APLP2: variants seen among roughly 807,000 people sequenced by gnomAD.
APLP2 encodes the protein CDEI box-binding protein.
In APLP2, 53 loss-of-function variants were observed where a neutral mutation model predicts 89.9. The ratio of observed to expected loss-of-function variants is 0.59; its 90% CI spans 0.47 to 0.74. The LOEUF (loss-of-function observed/expected upper bound fraction) is 0.74. Among genes scored for constraint, APLP2 ranks in the 30% least tolerant of loss-of-function variants. The probability of loss-of-function intolerance (pLI) is 0.00; values close to 1 mark genes in which losing one functional copy is unlikely to be tolerated. For missense variants in APLP2, 973 were observed against 975.9 expected (o/e 1.00, Z 0.04); for synonymous variants, 372 against 348.6 (o/e 1.07, Z -0.75).
chr11:130,112,571 CAG>C (rs1277810380), intron 3 of APLP2, among the ~76,000 whole-genome samples: 2 of 151,752 alleles, frequency 1.3e-5, no homozygotes, highest in African/African-American at 2.4e-5. Context: ...CTAAGACACT[CAG>C]GGTGCTGTGA....
intron 3 of APLP2, among the ~76,000 whole-genome samples, chr11:130,119,607 G>T (rs1035573059): frequency 1.3e-4 from 20 of 152,154 alleles, no homozygotes; most frequent in African/African-American, 4.6e-4. Context: ...ACAGCTATGT[G>T]TATCTTTCTC....
At position 130,126,747 on chromosome 11, in the gene APLP2, A is replaced by C. The variant is rs775513233; in HGVS notation, c.1138A>C (p.Thr380Pro). The change falls in exon 8 of 17, where the codon ACC (threonine) becomes CCC (proline). Residue 380 changes from threonine to proline, a missense_variant. Thr to Pro is a conservative substitution (Grantham distance 38). Transcript: ENST00000338167. ...PTNDVDVYFETSADDNEHARF... is the reference protein window; with the variant it reads ...PTNDVDVYFEPSADDNEHARF... ...CAATGATGTTGATGTGTATTTCGAG[A>C]CCTCTGCAGATGATAATGAGCATGC... is the stretch of plus-strand genomic sequence containing the variant. 9.9e-6 allele frequency: 16 copies of C among 1,613,972 alleles called. No homozygotes were observed. Among genetic ancestry groups the C allele is most frequent in the South Asian group, 3.3e-5 (3 of 91,086 alleles).
rs17849844 is a variant in APLP2 at position 130,133,672 on chromosome 11, G to A, written c.1628G>A (p.Ser543Asn). The A allele has an allele frequency of 6.2e-7, 1 of 1,614,064 alleles. No homozygotes were observed. Among genetic ancestry groups the A allele is most frequent in the South Asian group, 1.1e-5 (1 of 91,090 alleles). Reference sequence around the variant, plus strand: ...GTGATTGAAGAAAGGAGGAACCAAAGCCTCTCTCTGCTCTACAAAGTACCT... The same window carrying A: ...GTGATTGAAGAAAGGAGGAACCAAAACCTCTCTCTGCTCTACAAAGTACCT... ...LHVIEERRNQ[S>N]LSLLYKVPYV... The change falls in exon 12 of 17, where the codon AGC becomes AAC. Residue 543 changes from serine to asparagine, a missense_variant. Coordinates refer to ENST00000338167, the MANE Select transcript of APLP2 (RefSeq NM_001142276.2).
At chr11:130,118,727 G>A (rs1201089753) in intron 3 of APLP2, among the ~76,000 whole-genome samples, 1 of 152,186 alleles carries the variant, frequency 6.6e-6, no homozygotes, top group East Asian at 1.9e-4. Flanking sequence ...TTTAAGCAAT[G>A]CTTTTAAGTC....
intron 1 of APLP2, among the ~76,000 whole-genome samples, chr11:130,096,643 G>A (rs971646795): frequency 2.0e-5 from 3 of 152,162 alleles, no homozygotes; most frequent in African/African-American, 4.8e-5. Flanking sequence ...ACTTGAGCCT[G>A]GAAGTTCAAG....
chr11:130,079,078 A>G (rs1942657937), intron 1 of APLP2, among the ~76,000 whole-genome samples: 2 of 142,788 alleles, frequency 1.4e-5, no homozygotes. Context: ...CATGACATGT[A>G]TTTTTTTTAT....
At chr11:130,084,878 G>A (rs1943863889) in intron 1 of APLP2, among the ~76,000 whole-genome samples, 1 of 151,992 alleles carries the variant, frequency 6.6e-6, no homozygotes, top group African/African-American at 2.4e-5. Flanking sequence ...AGAAAGAGTT[G>A]GGTTTTTGAA....
chr11:130,087,869 T>C (rs1944365419), intron 1 of APLP2, among the ~76,000 whole-genome samples: 1 of 152,348 alleles, frequency 6.6e-6, no homozygotes, highest in Admixed American at 6.5e-5. Flanking sequence ...TTTTGCAAGA[T>C]TAATCTTGTG....
Position 130,136,625 on chromosome 11 carries a change from C to T in APLP2, c.1837+910C>T, listed in dbSNP as rs1334032382. Among the ~76,000 whole-genome samples, 4 of 152,298 alleles carry T rather than the reference C, an allele frequency of 2.6e-5. No homozygotes were observed. The East Asian group carries it at 7.7e-4, about 29-fold the overall frequency. ...AATTAGGGGTGGGGGGATGGAGGTA[C>T]ATCCAGCTTAGCCTTCAGACCTTAA... On this transcript the variant is annotated intron_variant, in intron 13 of 16. Transcript: ENST00000338167.
At chr11:130,136,010 TG>T (rs1951542092) in intron 13 of APLP2, among the ~76,000 whole-genome samples, 1 of 152,170 alleles carries the variant, frequency 6.6e-6, no homozygotes, top group Admixed American at 6.5e-5. Context: ...GGGAGGCACT[TG>T]GCAGTTGAAA....
chr11:130,103,449 T>A (rs117686820), intron 1 of APLP2, among the ~76,000 whole-genome samples: 2,597 of 152,308 alleles, frequency 0.017, 44 homozygotes, highest in Non-Finnish European at 0.024. Flanking sequence ...GGTGCTTAGC[T>A]GCCTCTTCCT....
At chr11:130,132,993 T>G (rs1951101030) in intron 11 of APLP2, among the ~76,000 whole-genome samples, 1 of 151,722 alleles carries the variant, frequency 6.6e-6, no homozygotes. Context: ...TTTTTTTTTT[T>G]GGCTCAATAT....
intron 1 of APLP2, among the ~76,000 whole-genome samples, chr11:130,076,727 A>G (rs999868156): frequency 6.6e-6 from 1 of 152,204 alleles, no homozygotes; most frequent in Non-Finnish European, 1.5e-5. Flanking sequence ...TCCAGGGGAC[A>G]TGCTCTGATA....
rs1284915845 is a variant in APLP2 at position 130,143,438 on chromosome 11, T to G, written c.2246T>G (p.Met749Arg). ...ENPTYKYLEQ[M>R]QI is the part of the protein sequence containing the mutation. ...CCCACCTACAAATACCTGGAGCAGA[T>G]GCAGATTTAGGTGGCAGGGAGCGCG... The change falls in exon 17 of 17, where the codon ATG (methionine) becomes AGG (arginine). Residue 749 changes from methionine (M) to arginine (R), a missense_variant. Met to Arg is a moderately conservative substitution (Grantham distance 91). Coordinates refer to ENST00000338167, the MANE Select transcript of APLP2 (RefSeq NM_001142276.2). 1 of 1,613,780 alleles carries G rather than the reference T, an allele frequency of 6.2e-7. No individual in the cohort carries two copies. The highest frequency in any genetic ancestry group is 8.5e-7 in the Non-Finnish European group (1 of 1,179,890).
At chr11:130,088,703 TTAAAAAC>T (rs1944466232) in intron 1 of APLP2, among the ~76,000 whole-genome samples, 1 of 152,022 alleles carries the variant, frequency 6.6e-6, no homozygotes, top group South Asian at 2.1e-4. Context: ...TAAAATGTTG[TTAAAAAC>T]TTAAGTATCT....
At chr11:130,070,439 G>C (rs1339608833) in intron 1 of APLP2, 14 of 712,370 alleles carry the variant, frequency 2.0e-5, no homozygotes, top group Admixed American at 2.0e-4. Context: ...ATGCCAGGGC[G>C]CTCCTCTCCC....
intron 1 of APLP2, among the ~76,000 whole-genome samples, chr11:130,107,567 A>G (rs541596485): frequency 1.3e-5 from 2 of 152,348 alleles, no homozygotes; most frequent in African/African-American, 4.8e-5. Context: ...ATAAAAGAGG[A>G]CACAAACAAA....
intron 1 of APLP2, among the ~76,000 whole-genome samples, chr11:130,078,165 C>CTT (rs780312601): frequency 1.5e-5 from 2 of 135,280 alleles, no homozygotes; most frequent in East Asian, 2.2e-4. Flanking sequence ...GTTTTTCTTT[C>CTT]TTTTTTTTTT....
At chr11:130,099,982 G>A (rs574135795) in intron 1 of APLP2, among the ~76,000 whole-genome samples, 1 of 152,322 alleles carries the variant, frequency 6.6e-6, no homozygotes, top group Admixed American at 6.5e-5. Flanking sequence ...ACCCTGTTTT[G>A]TAGATTAAAA....
Sources: allele counts gnomAD v4.1 joint callset (sites outside exome capture counted in the v4.1 genomes callset), GRCh38; gene constraint gnomAD v4.1.1; transcripts MANE v1.5; gene names NCBI Gene and HGNC (gene_info 2026-07-23, HGNC 2026-07-21).